MAN1A1: variants seen among roughly 807,000 people sequenced by gnomAD.
The protein encoded by MAN1A1 is mannosyl-oligosaccharide 1,2-alpha-mannosidase IA.
A neutral mutation model predicts 70.8 loss-of-function variants in MAN1A1; 29 were observed. The ratio of observed to expected loss-of-function variants is 0.41; its 90% confidence interval spans 0.31 to 0.56. The LOEUF (loss-of-function observed/expected upper bound fraction) is 0.56. Among genes scored for constraint, MAN1A1 ranks in the 20% least tolerant of loss-of-function variants. The probability of loss-of-function intolerance (pLI) is 0.29; values close to 1 mark genes in which losing one functional copy is unlikely to be tolerated. For missense variants in MAN1A1, 747 were observed against 841.3 expected, an observed-to-expected ratio of 0.89 and a Z score of 1.39; for synonymous variants, 349 against 330.1, an observed-to-expected ratio of 1.06 and a Z score of -0.62.
At chr6:119,238,299 C>T (rs947960896) in intron 6 of MAN1A1, among the ~76,000 whole-genome samples, 2 of 152,082 alleles carry the variant, frequency 1.3e-5, no homozygotes, top group East Asian at 3.9e-4. Flanking sequence ...CCATGGCATA[C>T]GGAAGACCTC....
chr6:119,267,145 CA>C (rs1775780426), intron 5 of MAN1A1, among the ~76,000 whole-genome samples: 1 of 152,130 alleles, frequency 6.6e-6, no homozygotes, highest in Non-Finnish European at 1.5e-5. Context: ...GGTGGAAATG[CA>C]AAATAGTACA....
rs138291741 is a variant in MAN1A1 at position 119,327,903 on chromosome 6, G to A, written c.603+20560C>T. ...AGGTGGCCTTCAGAAACTGAGAGTC[G>A]ACTGACAGCAAGGAAATGGGGACCT... On this transcript the variant is annotated intron_variant, in intron 2 of 12. Coordinates refer to ENST00000368468, the MANE Select transcript of MAN1A1 (RefSeq NM_005907.4). Among the ~76,000 whole-genome samples, 923 of 152,220 alleles carry A rather than the reference G, an allele frequency of 6.1e-3. 6 individuals are homozygous for A. Among genetic ancestry groups the A allele is most frequent in the African/African-American group, 0.021 (874 of 41,524 alleles).
intron 2 of MAN1A1, among the ~76,000 whole-genome samples, chr6:119,345,095 T>C (rs1248578104): frequency 6.6e-6 from 1 of 150,526 alleles, no homozygotes; most frequent in Non-Finnish European, 1.5e-5. Context: ...CTCCCCTTAA[T>C]TTCAGAAAAA....
At chr6:119,184,083 T>C (rs1773223640) in intron 11 of MAN1A1, among the ~76,000 whole-genome samples, 1 of 152,128 alleles carries the variant, frequency 6.6e-6, no homozygotes, top group Admixed American at 6.5e-5. Context: ...TTTAAGACTT[T>C]AGGAACGTGA....
chr6:119,349,868 G>C (rs1773858436), upstream of MAN1A1: 1 of 561,004 alleles, frequency 1.8e-6, no homozygotes, highest in South Asian at 7.7e-5. Flanking sequence ...CCGCGGGGGC[G>C]GGGCCGAGGC....
intron 5 of MAN1A1, among the ~76,000 whole-genome samples, chr6:119,287,499 A>C (rs140862412): frequency 1.3e-5 from 2 of 152,056 alleles, no homozygotes; most frequent in African/African-American, 4.8e-5. Context: ...GTATTTCCAA[A>C]ATTTGTTCTG....
intron 2 of MAN1A1, among the ~76,000 whole-genome samples, chr6:119,331,528 T>A (rs1773310020): frequency 7.0e-6 from 1 of 143,272 alleles, no homozygotes; most frequent in Non-Finnish European, 1.5e-5. Context: ...AGGTATTATT[T>A]TAGATAATTA....
At chr6:119,247,874 T>C (rs1210398352) in intron 6 of MAN1A1, among the ~76,000 whole-genome samples, 6 of 152,202 alleles carry the variant, frequency 3.9e-5, no homozygotes, top group African/African-American at 1.4e-4. Context: ...TTCTGACCAG[T>C]AGCTGAACTT....
chr6:119,200,160 T>C (rs1773678698), intron 8 of MAN1A1, among the ~76,000 whole-genome samples: 1 of 152,170 alleles, frequency 6.6e-6, no homozygotes, highest in Admixed American at 6.5e-5. Flanking sequence ...AAACATCCAC[T>C]AAGTGCAAGA....
At chr6:119,338,754 CT>C (rs1773528503) in intron 2 of MAN1A1, among the ~76,000 whole-genome samples, 1 of 152,212 alleles carries the variant, frequency 6.6e-6, no homozygotes, top group Non-Finnish European at 1.5e-5. Flanking sequence ...GCTGGTAAAG[CT>C]GGCTAGGTCT....
At chr6:119,214,207 G>A (rs1322864886) in intron 6 of MAN1A1, among the ~76,000 whole-genome samples, 2 of 152,000 alleles carry the variant, frequency 1.3e-5, no homozygotes, top group East Asian at 3.9e-4. Flanking sequence ...CTCGTGATCT[G>A]CCCACCTCGG....
chr6:119,349,743 C>T lies in MAN1A1; in HGVS notation c.-424G>A, dbSNP rs28364655. On this transcript the variant is annotated 5_prime_UTR_variant, in exon 1 of 13. Transcript: ENST00000368468. ...GAGTAGAGCAGCACGGTACACTCCG[C>T]CGCGGCCCCGCGAGCACTAATCTCA... 62,029 of 985,422 alleles carry T rather than the reference C, an allele frequency of 0.063. 2,708 individuals are homozygous for T. The highest frequency in any genetic ancestry group is 0.25 in the Admixed American group (4,065 of 16,276). The allele number at this position is 985,422 out of a possible 1,614,324, so 61.0% of individuals were successfully genotyped here. A position where few individuals can be genotyped will look rare whatever the true frequency, so the allele number is the denominator to read the frequency against.
At chr6:119,252,801 TA>T (rs373356708) in intron 5 of MAN1A1, among the ~76,000 whole-genome samples, 16 of 151,138 alleles carry the variant, frequency 1.1e-4, no homozygotes, top group Non-Finnish European at 1.9e-4. Flanking sequence ...CAAAAAAAAA[TA>T]AAAAAAATAA....
rs1775213726 is a variant in MAN1A1, at chr6:119,247,963, G to A, written c.992+297C>T. Among the ~76,000 whole-genome samples, 5 of 152,174 alleles carry A rather than the reference G, an allele frequency of 3.3e-5. No individual in the cohort carries two copies. In the South Asian group the frequency reaches 1.0e-3, roughly 32 times the overall value. On this transcript the variant is annotated intron_variant, in intron 6 of 12. Transcript: ENST00000368468. ...ATTAAAAGATAACGGGACTCTTTTG[G>A]TATTTATGGAGACAGTATCATTGAT...
chr6:119,342,531 T>A (rs1371165825), intron 2 of MAN1A1, among the ~76,000 whole-genome samples: 3 of 152,178 alleles, frequency 2.0e-5, no homozygotes, highest in Non-Finnish European at 4.4e-5. Flanking sequence ...TCTGAGAGAT[T>A]AAGTAATTTG....
intron 6 of MAN1A1, among the ~76,000 whole-genome samples, 178 bp from the exon 7 acceptor site, chr6:119,205,060 T>C (rs1014853150): frequency 6.6e-6 from 1 of 152,236 alleles, no homozygotes; most frequent in African/African-American, 2.4e-5. Flanking sequence ...GTTTGTCTCC[T>C]ATCTCCAAAT....
chr6:119,191,347 C>T (rs1254205401), intron 9 of MAN1A1, among the ~76,000 whole-genome samples: 1 of 152,098 alleles, frequency 6.6e-6, no homozygotes, highest in East Asian at 1.9e-4. Context: ...AACATTATTA[C>T]CCTGTTATGG....
chr6:119,317,285 A>G (rs1297308144), intron 2 of MAN1A1, among the ~76,000 whole-genome samples: 1 of 152,150 alleles, frequency 6.6e-6, no homozygotes, highest in Admixed American at 6.5e-5. Flanking sequence ...GCTCACTCTT[A>G]GTGTTGTATA....
chr6:119,244,875 G>C (rs1190763763), intron 6 of MAN1A1, among the ~76,000 whole-genome samples: 1 of 152,124 alleles, frequency 6.6e-6, no homozygotes, highest in African/African-American at 2.4e-5. Flanking sequence ...CTTGAATAAA[G>C]TGAAGAGAAG....
Sources: gnomAD v4.1 joint callset for allele counts (sites outside exome capture counted in the v4.1 genomes callset) on GRCh38, gnomAD v4.1.1 for gene constraint, MANE v1.5 for transcripts, NCBI Gene and HGNC (gene_info 2026-07-23, HGNC 2026-07-21) for gene names.